The following OSBPL10 variants were observed in gnomAD, a reference collection of about 807,000 sequenced individuals.
OSBPL10 encodes oxysterol binding protein like 10, also known as oxysterol-binding protein-related protein 10.
Under a neutral mutation model 81.7 loss-of-function variants are expected in OSBPL10, and 49 were observed. The ratio of observed to expected loss-of-function variants is 0.60; its 90% CI spans 0.48 to 0.76. The LOEUF (loss-of-function observed/expected upper bound fraction) is 0.76, where lower values mean the gene tolerates loss of function less well. Among genes scored for constraint, OSBPL10 ranks in the 30% least tolerant of loss-of-function variants. The probability of loss-of-function intolerance (pLI) is 0.00; values close to 1 mark genes in which losing one functional copy is unlikely to be tolerated. For missense variants in OSBPL10, 923 were observed against 987.8 expected, an observed-to-expected ratio of 0.93 and a Z score of 0.88; for synonymous variants, 419 against 383.6, an observed-to-expected ratio of 1.09 and a Z score of -1.08.
At chr3:31,686,939 C>T (rs1395329558) in intron 7 of OSBPL10, among the ~76,000 whole-genome samples, 1 of 152,152 alleles carries the variant, frequency 6.6e-6, no homozygotes, top group Non-Finnish European at 1.5e-5. Flanking sequence ...ACCACACTTC[C>T]CTCTTCTGCC....
At chr3:32,000,275 T>A (rs1049162243) in intron 2 of OSBPL10, among the ~76,000 whole-genome samples, 1 of 152,162 alleles carries the variant, frequency 6.6e-6, no homozygotes, top group Non-Finnish European at 1.5e-5. Flanking sequence ...GCACTCTAGA[T>A]AAAGGAGAAA....
chr3:31,841,640 G>A (rs1700500989), intron 3 of OSBPL10, among the ~76,000 whole-genome samples: 1 of 152,132 alleles, frequency 6.6e-6, no homozygotes, highest in South Asian at 2.1e-4. Context: ...CAACTAATTG[G>A]ATGTCCCACC....
intron 1 of OSBPL10, among the ~76,000 whole-genome samples, chr3:31,920,140 C>G (rs1261993015): frequency 1.3e-5 from 2 of 151,952 alleles, no homozygotes; most frequent in Non-Finnish European, 2.9e-5. Flanking sequence ...TCAGGGGTTG[C>G]TAGTGGTTTA....
chr3:31,748,501 C>G (rs963901020), intron 4 of OSBPL10, among the ~76,000 whole-genome samples: 110 of 152,158 alleles, frequency 7.2e-4, no homozygotes, highest in African/African-American at 2.2e-3. Context: ...GTGGCTTTCC[C>G]TCCTTGCTTT....
chr3:31,965,654 T>A (rs1428180091), intron 1 of OSBPL10, among the ~76,000 whole-genome samples: 2 of 70,290 alleles, frequency 2.8e-5, no homozygotes, highest in African/African-American at 1.2e-4. Flanking sequence ...AATTATATAT[T>A]ATATATTATA....
At chr3:31,950,672 G>A (rs1447863863) in intron 1 of OSBPL10, among the ~76,000 whole-genome samples, 26 of 152,186 alleles carry the variant, frequency 1.7e-4, no homozygotes, top group Admixed American at 1.7e-3. Flanking sequence ...CCTAAGGGGA[G>A]GCACTTGGGT....
chr3:31,669,435 G>T (rs535439146), intron 9 of OSBPL10, among the ~76,000 whole-genome samples: 10 of 152,138 alleles, frequency 6.6e-5, no homozygotes, highest in Non-Finnish European at 1.5e-4. Flanking sequence ...TTTGTATGGG[G>T]TCAAACATGG....
intron 1 of OSBPL10, among the ~76,000 whole-genome samples, chr3:31,909,165 T>C (rs1331737805): frequency 2.0e-5 from 3 of 152,220 alleles, no homozygotes; most frequent in Admixed American, 2.0e-4. Flanking sequence ...AGAGCTGACA[T>C]TACCTTTCAG....
At chr3:31,864,259 T>C (rs1211536765) in intron 3 of OSBPL10, among the ~76,000 whole-genome samples, 3 of 152,132 alleles carry the variant, frequency 2.0e-5, no homozygotes, top group South Asian at 4.2e-4. Context: ...TTTTTTGAGA[T>C]GGAGTCTCAC....
chr3:31,983,669 C>T (rs555488479), upstream of OSBPL10, among the ~76,000 whole-genome samples: 23 of 152,272 alleles, frequency 1.5e-4, no homozygotes, highest in African/African-American at 5.1e-4. Flanking sequence ...CTCTCTTCAC[C>T]CGGTTTGTGT....
chr3:31,952,783 A>C (rs1697905158), intron 1 of OSBPL10, among the ~76,000 whole-genome samples: 2 of 152,110 alleles, frequency 1.3e-5, no homozygotes, highest in Admixed American at 6.5e-5. Context: ...TGGTTATTAG[A>C]ATTAGTGGTG....
At chr3:31,960,782 C>G (rs1316920856) in intron 1 of OSBPL10, among the ~76,000 whole-genome samples, 1 of 152,096 alleles carries the variant, frequency 6.6e-6, no homozygotes, top group African/African-American at 2.4e-5. Flanking sequence ...ATCTGTGCCC[C>G]TACCCCACCC....
At chr3:31,766,162 C>T (rs1479730145) in intron 4 of OSBPL10, among the ~76,000 whole-genome samples, 1 of 152,026 alleles carries the variant, frequency 6.6e-6, no homozygotes, top group Non-Finnish European at 1.5e-5. Context: ...AGTGAGTTTA[C>T]GTTATTGGCT....
intron 2 of OSBPL10, among the ~76,000 whole-genome samples, chr3:31,993,467 C>G (rs899226020): frequency 1.3e-5 from 2 of 152,118 alleles, no homozygotes; most frequent in African/African-American, 2.4e-5. Flanking sequence ...CTCGGCCTCC[C>G]AAAGTGCTGG....
At chr3:31,665,861 G>A (rs527266014) in intron 10 of OSBPL10, among the ~76,000 whole-genome samples, 3 of 152,134 alleles carry the variant, frequency 2.0e-5, no homozygotes, top group South Asian at 2.1e-4. Context: ...AACCTCCCAT[G>A]GTAAGTCCCA....
intron 1 of OSBPL10, among the ~76,000 whole-genome samples, chr3:31,952,594 AAGGG>A (rs1697899991): frequency 6.6e-6 from 1 of 152,212 alleles, no homozygotes; most frequent in Admixed American, 6.5e-5. Flanking sequence ...CAACTGAATG[AAGGG>A]ATGATCATAC....
At chr3:32,032,078 G>A (rs1699475510) in intron 2 of OSBPL10, among the ~76,000 whole-genome samples, 1 of 152,060 alleles carries the variant, frequency 6.6e-6, no homozygotes, top group Admixed American at 6.5e-5. Context: ...TGAAGCCCAG[G>A]AGTTTGAGAC....
rs77588921 is a variant in OSBPL10 at position 31,894,820 on chromosome 3, T to C, written c.282-14990A>G. 2.7e-4 allele frequency among the ~76,000 whole-genome samples: 41 copies of C among 152,318 alleles called. No homozygotes were observed. In the East Asian group the frequency reaches 7.7e-3, roughly 29 times the overall value. ...TCTCTCTCAAGAGAACGCTAGTTTT[T>C]AGTCGGACACAACATGCTATGCCGG... On this transcript the variant is annotated intron_variant, in intron 1 of 11. Coordinates refer to ENST00000396556, the MANE Select transcript of OSBPL10 (RefSeq NM_017784.5).
intron 4 of OSBPL10, among the ~76,000 whole-genome samples, chr3:31,812,712 CAAAA>C (rs563030191): frequency 0.029 from 973 of 34,110 alleles, 8 homozygotes; most frequent in African/African-American, 0.061. Flanking sequence ...ACACAGTAGG[CAAAA>C]AAAAAGAAAG....
Sources: gnomAD v4.1 joint callset for allele counts (sites outside exome capture counted in the v4.1 genomes callset) on GRCh38, gnomAD v4.1.1 for gene constraint, MANE v1.5 for transcripts, NCBI Gene and HGNC (gene_info 2026-07-23, HGNC 2026-07-21) for gene names.